Variants in RSRC1 observed in about 807,000 individuals in gnomAD.
RSRC1 encodes the protein serine/Arginine-related protein 53.
A neutral mutation model predicts 49.1 loss-of-function variants in RSRC1; 39 were observed. The ratio of observed to expected loss-of-function variants is 0.79; its 90% CI spans 0.61 to 1.04. The LOEUF (loss-of-function observed/expected upper bound fraction) is 1.04, where lower values mean the gene tolerates loss of function less well. RSRC1 is among the 50% of genes least tolerant of loss of function. RSRC1 has a pLI of 0.00. For synonymous variants in RSRC1, 143 were observed against 130.8 expected, an observed-to-expected ratio of 1.09 and a Z score of -0.63; for missense variants, 388 against 402.4, an observed-to-expected ratio of 0.96 and a Z score of 0.31.
intron 6 of RSRC1, among the ~76,000 whole-genome samples, chr3:158,355,350 TTTTA>T (rs1196990563): frequency 8.6e-5 from 13 of 151,592 alleles, no homozygotes; most frequent in Non-Finnish European, 1.9e-4. Context: ...ATTTTATGGC[TTTTA>T]TTTATATAAA....
At chr3:158,112,918 A>T (rs533347034) in intron 1 of RSRC1, among the ~76,000 whole-genome samples, 19 of 151,996 alleles carry the variant, frequency 1.3e-4, no homozygotes, top group Non-Finnish European at 2.6e-4. Context: ...TTCCTGCGTT[A>T]GTTTGATGAG....
intron 6 of RSRC1, among the ~76,000 whole-genome samples, chr3:158,387,322 A>G (rs777262408): frequency 6.6e-6 from 1 of 152,134 alleles, no homozygotes; most frequent in Non-Finnish European, 1.5e-5. Context: ...GACTACTCCA[A>G]CTTTTGGCCT....
chr3:158,529,915 G>A (rs374244908), intron 7 of RSRC1, among the ~76,000 whole-genome samples: 6 of 151,894 alleles, frequency 4.0e-5, no homozygotes, highest in African/African-American at 7.2e-5. Flanking sequence ...TCAACCCAGA[G>A]CATTCAGTGA....
intron 6 of RSRC1, among the ~76,000 whole-genome samples, chr3:158,415,751 A>G (rs1271114023): frequency 6.6e-6 from 1 of 152,076 alleles, no homozygotes; most frequent in Admixed American, 6.6e-5. Flanking sequence ...TTCTGGGACA[A>G]GATGATGAGC....
At chr3:158,520,744 T>C (rs939179449) in intron 7 of RSRC1, among the ~76,000 whole-genome samples, 9 of 152,206 alleles carry the variant, frequency 5.9e-5, no homozygotes, top group Non-Finnish European at 1.2e-4. Flanking sequence ...CAAAGGTTTA[T>C]GTTTATTGCT....
intron 7 of RSRC1, among the ~76,000 whole-genome samples, chr3:158,469,009 T>G (rs1377603422): frequency 1.3e-5 from 2 of 152,140 alleles, no homozygotes; most frequent in African/African-American, 4.8e-5. Flanking sequence ...TTTAAAAGTT[T>G]CTGTGACTCA....
chr3:158,433,411 A>G (rs1202942449), intron 6 of RSRC1, among the ~76,000 whole-genome samples: 1 of 151,980 alleles, frequency 6.6e-6, no homozygotes, highest in Non-Finnish European at 1.5e-5. Flanking sequence ...AAGGTAATAC[A>G]GAGATGCTAC....
chr3:158,155,562 G>T (rs1578142406), intron 3 of RSRC1, among the ~76,000 whole-genome samples: 1 of 151,456 alleles, frequency 6.6e-6, no homozygotes, highest in South Asian at 2.1e-4. Flanking sequence ...CTCTCAAGTA[G>T]GTGGGACTAC....
Position 158,476,861 on chromosome 3 carries a change from T to C in RSRC1, c.652+15858T>C, listed in dbSNP as rs577667939. The stretch of plus-strand genomic sequence containing the variant: ...CTCTGATGGATCTGGCCAAAGTAAA[T>C]TGAAAACCTTCTGGAAAGGATTCAT... On this transcript the variant is annotated intron_variant, in intron 7 of 9. Transcript: ENST00000611884. Among the ~76,000 whole-genome samples the C allele has an allele frequency of 1.3e-5, 2 of 152,238 alleles. 1 individual carries two copies. Among genetic ancestry groups the C allele is most frequent in the African/African-American group, 4.8e-5 (2 of 41,538 alleles).
At chr3:158,274,563 A>G (rs1323812064) in intron 4 of RSRC1, among the ~76,000 whole-genome samples, 2 of 152,150 alleles carry the variant, frequency 1.3e-5, no homozygotes, top group Non-Finnish European at 2.9e-5. Flanking sequence ...TAGAGAAGAT[A>G]GGAGAAAATC....
At chr3:158,383,850 G>T (rs550728846) in intron 6 of RSRC1, among the ~76,000 whole-genome samples, 1 of 152,202 alleles carries the variant, frequency 6.6e-6, no homozygotes, top group Admixed American at 6.5e-5. Context: ...AGCTCTGAGA[G>T]TCAAATCATG....
chr3:158,490,194 C>T (rs1469884155), intron 7 of RSRC1, among the ~76,000 whole-genome samples: 1 of 152,168 alleles, frequency 6.6e-6, no homozygotes, highest in African/African-American at 2.4e-5. Context: ...ACACCATTCT[C>T]CTGCCTCAGC....
chr3:158,524,744 G>A (rs1711904558), intron 7 of RSRC1, among the ~76,000 whole-genome samples: 2 of 151,956 alleles, frequency 1.3e-5, no homozygotes, highest in Admixed American at 6.6e-5. Flanking sequence ...CAACCCTCAT[G>A]TATATGATCA....
intron 1 of RSRC1, among the ~76,000 whole-genome samples, chr3:158,111,469 G>A (rs1055953259): frequency 2.0e-5 from 3 of 152,168 alleles, no homozygotes; most frequent in African/African-American, 7.2e-5. Context: ...TGTATTTCCT[G>A]CTTTCATGTT....
In RSRC1 at chr3:158,326,830, T is replaced by C. The variant is rs1291365754; in HGVS notation, c.532-28027T>C. Among the ~76,000 whole-genome samples the C allele has an allele frequency of 3.3e-5, 5 of 152,220 alleles. No homozygotes were observed. The East Asian group carries it at 9.6e-4, about 29-fold the overall frequency. ...TACCAGCTCCTCCTTGTACCTCTGG[T>C]ACAATTCGGCTGTGAATCCCTCTGG... On this transcript the variant is annotated intron_variant, in intron 5 of 9. Coordinates refer to ENST00000611884, the MANE Select transcript of RSRC1 (RefSeq NM_001271838.2).
intron 4 of RSRC1, among the ~76,000 whole-genome samples, chr3:158,240,438 A>AT (rs1289617141): frequency 2.2e-4 from 34 of 152,116 alleles, no homozygotes; most frequent in Admixed American, 2.2e-3. Context: ...ATATTAATAG[A>AT]TTTTCTGTTA....
chr3:158,422,996 GTT>G (rs1484718905), intron 6 of RSRC1, among the ~76,000 whole-genome samples: 1 of 152,016 alleles, frequency 6.6e-6, no homozygotes, highest in Non-Finnish European at 1.5e-5. Flanking sequence ...AGATGAGTAG[GTT>G]GCAAAAATTT....
At chr3:158,346,936 C>T (rs958556909) in intron 5 of RSRC1, among the ~76,000 whole-genome samples, 4 of 152,110 alleles carry the variant, frequency 2.6e-5, no homozygotes, top group African/African-American at 9.7e-5. Context: ...AGCAATAAAA[C>T]AGAATGAATT....
At chr3:158,447,173 G>A (rs1736767648) in intron 6 of RSRC1, among the ~76,000 whole-genome samples, 1 of 151,982 alleles carries the variant, frequency 6.6e-6, no homozygotes, top group South Asian at 2.1e-4. Context: ...GTGGAAGTCT[G>A]CATTTTATCA....
Sources: gnomAD v4.1 joint callset for allele counts (sites outside exome capture counted in the v4.1 genomes callset) on GRCh38, gnomAD v4.1.1 for gene constraint, MANE v1.5 for transcripts, NCBI Gene and HGNC (gene_info 2026-07-23, HGNC 2026-07-21) for gene names.